Variants in DNAH7 observed in about 807,000 individuals in gnomAD.
DNAH7 encodes the protein dynein axonemal heavy chain 7.
Under a neutral mutation model 444.6 loss-of-function variants are expected in DNAH7, and 397 were observed. The observed-to-expected ratio is 0.89, with a 90% confidence interval of 0.82 to 0.97. The LOEUF is 0.97. Ranked by LOEUF, DNAH7 falls within the 50% of genes least tolerant of loss-of-function variation. The probability of loss-of-function intolerance (pLI) is 0.00; values close to 1 mark genes in which losing one functional copy is unlikely to be tolerated. For missense variants in DNAH7, 4,902 were observed against 4,800.8 expected (o/e 1.02, Z -0.62); for synonymous variants, 1,636 against 1,624.4 (o/e 1.01, Z -0.17).
chr2:195,886,561 AT>A (rs1701723464), intron 33 of DNAH7, among the ~76,000 whole-genome samples: 1 of 151,948 alleles, frequency 6.6e-6, no homozygotes, highest in Non-Finnish European at 1.5e-5. Context: ...AATTTTATAA[AT>A]AAAAACACTA....
chr2:195,985,343 G>T (rs1451997523), intron 14 of DNAH7, among the ~76,000 whole-genome samples: 1 of 152,194 alleles, frequency 6.6e-6, no homozygotes, highest in Non-Finnish European at 1.5e-5. Context: ...GCTGGGAGAT[G>T]AAAGAGGGCC....
intron 42 of DNAH7, among the ~76,000 whole-genome samples, chr2:195,860,375 A>G (rs1699949438): frequency 6.6e-6 from 1 of 152,130 alleles, no homozygotes; most frequent in African/African-American, 2.4e-5. Context: ...GCAAGTTTCC[A>G]TTATGTTAAA....
intron 36 of DNAH7, among the ~76,000 whole-genome samples, chr2:195,878,890 T>C (rs1701209367): frequency 1.3e-5 from 2 of 152,198 alleles, no homozygotes; most frequent in Non-Finnish European, 2.9e-5. Context: ...TCACTCTTCC[T>C]CATTAACTGG....
At chr2:195,912,223 C>G (rs992691410) in intron 24 of DNAH7, among the ~76,000 whole-genome samples, 51 of 152,208 alleles carry the variant, frequency 3.4e-4, no homozygotes, top group African/African-American at 1.2e-3. Context: ...TTTCCCTCTC[C>G]CAAGCTAACA....
intron 48 of DNAH7, among the ~76,000 whole-genome samples, chr2:195,833,825 G>C (rs757557869): frequency 6.6e-6 from 1 of 151,798 alleles, no homozygotes; most frequent in Non-Finnish European, 1.5e-5. Flanking sequence ...GCACTCTCTC[G>C]GCTCACTGCA....
chr2:195,932,590 C>T (rs540034506), intron 21 of DNAH7, among the ~76,000 whole-genome samples: 2 of 152,096 alleles, frequency 1.3e-5, no homozygotes, highest in African/African-American at 4.8e-5. Context: ...TGATATACAT[C>T]CCATCAATAC....
intron 5 of DNAH7, among the ~76,000 whole-genome samples, chr2:196,036,195 C>A (rs1291679897): frequency 1.3e-5 from 2 of 152,202 alleles, no homozygotes; most frequent in East Asian, 3.9e-4. Context: ...CCATGCCCAG[C>A]TAATTTTTTT....
intron 5 of DNAH7, among the ~76,000 whole-genome samples, chr2:196,036,246 C>T (rs1362424938): frequency 6.6e-6 from 1 of 152,104 alleles, no homozygotes; most frequent in East Asian, 1.9e-4. Context: ...GTTGGCCAGG[C>T]TGGTCTCGAA....
At chr2:195,891,453 G>A (rs1702007073) in intron 31 of DNAH7, among the ~76,000 whole-genome samples, 2 of 151,490 alleles carry the variant, frequency 1.3e-5, no homozygotes, top group African/African-American at 2.4e-5. Context: ...ATTCCTCCAG[G>A]GTAAAGGAGC....
At chr2:195,891,570 GT>G in intron 31 of DNAH7, 84 bp downstream of exon 31, 1 of 1,216,590 alleles carries the variant, frequency 8.2e-7, no homozygotes, top group Non-Finnish European at 1.1e-6. Context: ...GATACAATTA[GT>G]TTGTTTGAAA....
Position 195,740,779 on chromosome 2 carries a change from T to G in DNAH7, c.11855A>C (p.Asp3952Ala), listed in dbSNP as rs768587814. The change falls in exon 64 of 65, where the codon GAT becomes GCT. Residue 3952 changes from aspartate (D) to alanine (A), a missense_variant. Physicochemically the swap from Asp to Ala is moderately radical, Grantham distance 126. Coordinates refer to ENST00000312428, the MANE Select transcript of DNAH7 (RefSeq NM_018897.3). ...GAATTTACTAACCACAGGCACTGTATCATAAAGAATTTTGGGATGCGATTC... is the reference window on the plus strand; with the variant it reads ...GAATTTACTAACCACAGGCACTGTAGCATAAAGAATTTTGGGATGCGATTC... ...LAESHPKILY[D>A]TVPVMWLKPC... The G allele has an allele frequency of 8.4e-6, 13 of 1,541,878 alleles. No individual in the cohort carries two copies. The highest frequency in any genetic ancestry group is 1.1e-5 in the Non-Finnish European group (13 of 1,142,380).
intron 63 of DNAH7, among the ~76,000 whole-genome samples, chr2:195,748,364 T>C (rs925439033): frequency 6.6e-6 from 1 of 152,248 alleles, no homozygotes; most frequent in African/African-American, 2.4e-5. Flanking sequence ...GAACATTCCA[T>C]GCTCATGGGT....
At chr2:195,825,712 T>C (rs1697712293) in intron 48 of DNAH7, among the ~76,000 whole-genome samples, 1 of 152,224 alleles carries the variant, frequency 6.6e-6, no homozygotes, top group Non-Finnish European at 1.5e-5. Context: ...GTGTTTGGGA[T>C]GCTATCATAG....
intron 31 of DNAH7, among the ~76,000 whole-genome samples, chr2:195,890,348 T>C (rs907059463): frequency 1.3e-5 from 2 of 152,188 alleles, no homozygotes; most frequent in African/African-American, 4.8e-5. Flanking sequence ...TGGCGAGACC[T>C]TGGGCTTCAC....
At chr2:195,964,227 G>C (rs1453931594) in intron 17 of DNAH7, among the ~76,000 whole-genome samples, 1 of 152,146 alleles carries the variant, frequency 6.6e-6, no homozygotes, top group Non-Finnish European at 1.5e-5. Context: ...TATGAAGATT[G>C]CTTTGGGTAG....
At chr2:195,904,161 A>G (rs1244703101) in intron 27 of DNAH7, 1 of 152,264 alleles carries the variant, frequency 6.6e-6, no homozygotes, top group African/African-American at 2.4e-5. Flanking sequence ...AGCCTCAGGA[A>G]TTACAAGTAG....
chr2:195,772,776 T>C (rs921139731), intron 60 of DNAH7, among the ~76,000 whole-genome samples: 22 of 150,160 alleles, frequency 1.5e-4, no homozygotes, highest in Admixed American at 2.7e-4. Context: ...AAGTTTCTAC[T>C]GTGACTTTTT....
Position 195,794,419 on chromosome 2 carries a change from T to C in DNAH7, c.10635A>G (p.Lys3545=), listed in dbSNP as rs770225266. 2.7e-5 allele frequency: 44 copies of C among 1,614,132 alleles called. No individual in the cohort carries two copies. The highest frequency in any genetic ancestry group is 3.7e-5 in the Non-Finnish European group (44 of 1,179,992). The part of the protein sequence containing the change: ...NGVKMTNEAP[K]GLRANIIRSY... ...ATCGAATGATATTAGCCCGTAAACC[T>C]TTTGGTGCTTCATTGGTCATTTTCA... Residue 3545 remains lysine, a synonymous_variant, in exon 57 of 65, where the codon AAA becomes AAG. Transcript: ENST00000312428.
At chr2:196,005,529 C>T (rs1195225318) in intron 10 of DNAH7, among the ~76,000 whole-genome samples, 2 of 151,726 alleles carry the variant, frequency 1.3e-5, no homozygotes, top group Admixed American at 6.6e-5. Flanking sequence ...AAAGGGGAGA[C>T]ACTAATACTA....
Sources: allele counts gnomAD v4.1 joint callset (sites outside exome capture counted in the v4.1 genomes callset), GRCh38; gene constraint gnomAD v4.1.1; transcripts MANE v1.5; gene names NCBI Gene and HGNC (gene_info 2026-07-23, HGNC 2026-07-21).